ADAMTS6: variants seen among roughly 807,000 people sequenced by gnomAD.
ADAMTS6 encodes the protein ADAM metallopeptidase with thrombospondin type 1 motif 6, also known as A disintegrin and metalloproteinase with thrombospondin motifs 6.
A neutral mutation model predicts 144.3 loss-of-function variants in ADAMTS6; 23 were observed. The ratio of observed to expected loss-of-function variants is 0.16; its 90% CI spans 0.11 to 0.23. The LOEUF is 0.23. Among genes scored for constraint, ADAMTS6 ranks in the 10% least tolerant of loss-of-function variants. ADAMTS6 has a pLI of 1.00. For missense variants in ADAMTS6, 999 were observed against 1,379.6 expected (o/e 0.72, Z 4.37); for synonymous variants, 444 against 457.5 (o/e 0.97, Z 0.38).
intron 8 of ADAMTS6, among the ~76,000 whole-genome samples, chr5:65,331,799 T>C (rs930385130): frequency 1.3e-5 from 2 of 152,010 alleles, no homozygotes; most frequent in Non-Finnish European, 2.9e-5. Flanking sequence ...TGCTCAATTC[T>C]GTACTGATAA....
intron 22 of ADAMTS6, among the ~76,000 whole-genome samples, chr5:65,183,759 C>T (rs376859301): frequency 1.8e-4 from 27 of 152,232 alleles, no homozygotes; most frequent in East Asian, 9.6e-4. Context: ...ATGAATGCTT[C>T]GGAGCAGTCT....
intron 14 of ADAMTS6, among the ~76,000 whole-genome samples, chr5:65,248,102 C>T (rs534204355): frequency 6.6e-6 from 1 of 152,280 alleles, no homozygotes; most frequent in Admixed American, 6.5e-5. Context: ...AAAAGCCTTG[C>T]TTCTATACCC....
chr5:65,434,246 G>A (rs1222078380), intron 7 of ADAMTS6, among the ~76,000 whole-genome samples: 1 of 152,140 alleles, frequency 6.6e-6, no homozygotes, highest in Non-Finnish European at 1.5e-5. Context: ...CTAGAACTGG[G>A]GAAATGGAGG....
At chr5:65,342,252 T>C (rs1174149372) in intron 7 of ADAMTS6, among the ~76,000 whole-genome samples, 1 of 150,300 alleles carries the variant, frequency 6.7e-6, no homozygotes, top group African/African-American at 2.4e-5. Flanking sequence ...AAAAAAGAGG[T>C]TTAATGGACT....
At position 65,407,348 on chromosome 5, in the gene ADAMTS6, T is replaced by A. The variant is rs927807170; in HGVS notation, c.1073+44127A>T. Among the ~76,000 whole-genome samples the A allele has an allele frequency of 4.8e-4, 73 of 151,870 alleles. 2 individuals carry two copies. Among genetic ancestry groups the A allele is most frequent in the African/African-American group, 1.7e-3 (72 of 41,432 alleles). On this transcript the variant is annotated intron_variant, in intron 7 of 24. Coordinates refer to ENST00000381055, the MANE Select transcript of ADAMTS6 (RefSeq NM_197941.4). ...GCCAATATTCAATGTTCTTTTTTTT[T>A]TTATTATACTTTAAGTTTTAGGGTA...
At chr5:65,405,409 T>C (rs1321496493) in intron 7 of ADAMTS6, among the ~76,000 whole-genome samples, 4 of 152,236 alleles carry the variant, frequency 2.6e-5, no homozygotes, top group Non-Finnish European at 5.9e-5. Context: ...GGGAATCCTT[T>C]CCCCATTGCT....
intron 20 of ADAMTS6, among the ~76,000 whole-genome samples, chr5:65,202,737 C>T (rs760317235): frequency 6.6e-6 from 1 of 152,160 alleles, no homozygotes; most frequent in South Asian, 2.1e-4. Context: ...TAGCCAAACT[C>T]TTTTCATAGC....
At chr5:65,381,833 T>C (rs10079471) in intron 7 of ADAMTS6, among the ~76,000 whole-genome samples, 7,063 of 152,270 alleles carry the variant, frequency 0.046, 232 homozygotes, top group Non-Finnish European at 0.066. Context: ...TAACACATGA[T>C]ATCTTTAACA....
At chr5:65,256,417 G>T (rs954643084) in intron 14 of ADAMTS6, 2 of 152,102 alleles carry the variant, frequency 1.3e-5, no homozygotes, top group African/African-American at 4.8e-5. Flanking sequence ...TATTAACTTG[G>T]ATAGCATGAA....
chr5:65,292,916 T>A (rs184511979), intron 10 of ADAMTS6, among the ~76,000 whole-genome samples: 2 of 152,258 alleles, frequency 1.3e-5, no homozygotes, highest in South Asian at 2.1e-4. Flanking sequence ...GAACACTTTT[T>A]TATTTCCTTT....
intron 22 of ADAMTS6, among the ~76,000 whole-genome samples, chr5:65,186,826 T>C (rs1754702878): frequency 6.6e-6 from 1 of 152,082 alleles, no homozygotes; most frequent in African/African-American, 2.4e-5. Context: ...GGAAGAACAC[T>C]CCCAATTCCT....
At chr5:65,357,428 A>C (rs1452642878) in intron 7 of ADAMTS6, among the ~76,000 whole-genome samples, 1 of 151,656 alleles carries the variant, frequency 6.6e-6, no homozygotes, top group Non-Finnish European at 1.5e-5. Flanking sequence ...ATGTCAATAA[A>C]AACCAATTTT....
chr5:65,225,091 T>C, intron 16 of ADAMTS6, 44 bp from the exon 17 acceptor site: 1 of 1,586,148 alleles, frequency 6.3e-7, no homozygotes, highest in Non-Finnish European at 8.6e-7. Flanking sequence ...AGAGAAATTC[T>C]TGGAATCATA....
intron 7 of ADAMTS6, among the ~76,000 whole-genome samples, chr5:65,375,742 C>T (rs1483384465): frequency 6.6e-6 from 1 of 152,036 alleles, no homozygotes; most frequent in Non-Finnish European, 1.5e-5. Flanking sequence ...ACCATTTGAC[C>T]CAGCCATCCC....
At chr5:65,257,303 A>G (rs921443741) in intron 14 of ADAMTS6, among the ~76,000 whole-genome samples, 4 of 151,660 alleles carry the variant, frequency 2.6e-5, no homozygotes, top group South Asian at 2.1e-4. Flanking sequence ...CCATGGCCAC[A>G]CTCCAGATTT....
rs2112175726 is a variant in ADAMTS6 at position 65,188,228 on chromosome 5, A to C, written c.2706-8T>G. 1 of 1,612,648 alleles carries C rather than the reference A, an allele frequency of 6.2e-7. No individual in the cohort carries two copies. The highest frequency in any genetic ancestry group is 8.5e-7 in the Non-Finnish European group (1 of 1,179,860). ...CAATCCCCAATGAACCACCTGCAGC[A>C]AGACATGGAAGAAACACAGAAAAGC... On this transcript the variant is annotated splice_polypyrimidine_tract_variant and splice_region_variant and intron_variant, in intron 21 of 24. Transcript: ENST00000381055.
chr5:65,416,067 G>T, intron 7 of ADAMTS6: 1 of 193,388 alleles, frequency 5.2e-6, no homozygotes, highest in South Asian at 1.0e-4. Context: ...CAACTTCAAT[G>T]ACATCTCTAA....
intron 18 of ADAMTS6, among the ~76,000 whole-genome samples, chr5:65,223,454 T>C (rs562344216): frequency 1.3e-5 from 2 of 152,336 alleles, no homozygotes; most frequent in African/African-American, 4.8e-5. Flanking sequence ...GTTTGTACTA[T>C]TTGACCAACA....
At chr5:65,350,272 C>G (rs1004488643) in intron 7 of ADAMTS6, among the ~76,000 whole-genome samples, 1 of 152,156 alleles carries the variant, frequency 6.6e-6, no homozygotes, top group Non-Finnish European at 1.5e-5. Context: ...TTTTGTCTGA[C>G]CTTCAGTGAA....
Sources: allele counts gnomAD v4.1 joint callset (sites outside exome capture counted in the v4.1 genomes callset), GRCh38; gene constraint gnomAD v4.1.1; transcripts MANE v1.5; gene names NCBI Gene and HGNC (gene_info 2026-07-23, HGNC 2026-07-21).